Variants in BRINP3 observed in about 807,000 individuals in gnomAD.
The protein encoded by BRINP3 is BMP/retinoic acid inducible neural specific 3, also known as BMP/retinoic acid-inducible neural-specific protein 3.
BRINP3 carries 19 observed loss-of-function variants against 71.0 expected under a neutral mutation model. The ratio of observed to expected loss-of-function variants is 0.27; its 90% CI spans 0.19 to 0.39. The LOEUF (loss-of-function observed/expected upper bound fraction) is 0.39. Among genes scored for constraint, BRINP3 ranks in the 10% least tolerant of loss-of-function variants. The pLI, the probability that BRINP3 is intolerant of heterozygous loss-of-function variation, is 1.00. For missense variants in BRINP3, 959 were observed against 940.8 expected, an observed-to-expected ratio of 1.02 and a Z score of -0.25; for synonymous variants, 380 against 337.7, an observed-to-expected ratio of 1.13 and a Z score of -1.37.
chr1:190,349,564 G>A (rs12030570), intron 2 of BRINP3, among the ~76,000 whole-genome samples: 25,208 of 151,976 alleles, frequency 0.17, 2,122 homozygotes, highest in Middle Eastern at 0.22. Flanking sequence ...TAGGCATATA[G>A]AAGCTAATGT....
chr1:190,439,654 C>T (rs1169765659), intron 2 of BRINP3, among the ~76,000 whole-genome samples: 1 of 151,684 alleles, frequency 6.6e-6, no homozygotes, highest in African/African-American at 2.4e-5. Context: ...AACCTAAAGC[C>T]TAAACAGTAA....
At chr1:190,250,680 T>C (rs1660050758) in intron 4 of BRINP3, among the ~76,000 whole-genome samples, 1 of 151,992 alleles carries the variant, frequency 6.6e-6, no homozygotes, top group Non-Finnish European at 1.5e-5. Flanking sequence ...TGGTTTAAGA[T>C]AGTATCGTAA....
At chr1:190,156,198 T>C (rs1359306284) in intron 7 of BRINP3, among the ~76,000 whole-genome samples, 1 of 152,122 alleles carries the variant, frequency 6.6e-6, no homozygotes, top group Non-Finnish European at 1.5e-5. Context: ...CTATACACTA[T>C]ACAGAGTAAC....
intron 2 of BRINP3, among the ~76,000 whole-genome samples, chr1:190,432,909 T>C (rs541943302): frequency 1.3e-5 from 2 of 152,312 alleles, no homozygotes; most frequent in East Asian, 3.9e-4. Flanking sequence ...ATTATAAACA[T>C]AGTCTATGTT....
chr1:190,387,928 A>C (rs573754622), intron 2 of BRINP3, among the ~76,000 whole-genome samples: 1 of 151,984 alleles, frequency 6.6e-6, no homozygotes, highest in African/African-American at 2.4e-5. Context: ...AAAATTAATA[A>C]ATCCAAAATT....
chr1:190,269,901 G>A (rs1347522521), intron 3 of BRINP3, among the ~76,000 whole-genome samples: 1 of 151,816 alleles, frequency 6.6e-6, no homozygotes, highest in African/African-American at 2.4e-5. Flanking sequence ...TATTTCAAAG[G>A]ATGACTGACT....
At position 190,187,890 on chromosome 1, in the gene BRINP3, A is replaced by AG. The variant is rs967602028; in HGVS notation, c.962-27001dup. Among the ~76,000 whole-genome samples, 121 of 126,814 alleles carry AG rather than the reference A, an allele frequency of 9.5e-4. 3 individuals carry two copies. Among genetic ancestry groups the AG allele is most frequent in the African/African-American group, 3.3e-3 (112 of 34,398 alleles). The allele number at this position is 126,814 out of a possible 152,430, so 83.2% of individuals were successfully genotyped here. ...GCTTTTGCAGTATCGTTCAAATTTC[A>AG]GTTTTTTTTTCTATTTTTTTTGAAA... On this transcript the variant is annotated intron_variant, in intron 6 of 7. Coordinates refer to ENST00000367462, the MANE Select transcript of BRINP3 (RefSeq NM_199051.3).
chr1:190,264,910 G>A lies in BRINP3; in HGVS notation c.573C>T (p.Thr191=), dbSNP rs369530533. The A allele has an allele frequency of 1.2e-6, 2 of 1,613,522 alleles. No individual in the cohort carries two copies. Among genetic ancestry groups the A allele is most frequent in the African/African-American group, 2.7e-5 (2 of 74,862 alleles). ...TTTGAATGTGGTGAAGTCTCCGAAG[G>A]GTGCTGTCCCTGTCAATGAAATAAG... The part of the protein sequence containing the change: ...AASYFIDRDS[T]LRRLHHIQIA... The change falls in exon 4 of 8, where the codon ACC becomes ACT. Residue 191 remains threonine, a synonymous_variant. Transcript: ENST00000367462.
At chr1:190,183,534 C>G (rs1171677230) in intron 6 of BRINP3, among the ~76,000 whole-genome samples, 2 of 152,030 alleles carry the variant, frequency 1.3e-5, no homozygotes, top group African/African-American at 4.8e-5. Flanking sequence ...CAGAGCTTCT[C>G]ATTACAGCTG....
At chr1:190,441,031 G>A (rs1014114136) in intron 2 of BRINP3, among the ~76,000 whole-genome samples, 1 of 151,834 alleles carries the variant, frequency 6.6e-6, no homozygotes, top group Non-Finnish European at 1.5e-5. Flanking sequence ...TTTCTCCTTA[G>A]ATGGGACTGC....
At chr1:190,320,575 G>C (rs1233515817) in intron 2 of BRINP3, among the ~76,000 whole-genome samples, 1 of 151,618 alleles carries the variant, frequency 6.6e-6, no homozygotes, top group Non-Finnish European at 1.5e-5. Context: ...ATTTAGGGTG[G>C]TGGGTGGCCA....
At chr1:190,145,172 C>G (rs1655781424) in intron 7 of BRINP3, among the ~76,000 whole-genome samples, 1 of 152,074 alleles carries the variant, frequency 6.6e-6, no homozygotes, top group Admixed American at 6.6e-5. Context: ...TAATCTCTCT[C>G]TCTATAAAAT....
At chr1:190,246,142 T>C (rs1265284591) in intron 4 of BRINP3, among the ~76,000 whole-genome samples, 1 of 152,084 alleles carries the variant, frequency 6.6e-6, no homozygotes, top group Non-Finnish European at 1.5e-5. Flanking sequence ...AGTATGTATT[T>C]GTTGGAAAAA....
At chr1:190,142,426 C>G (rs1571823715) in intron 7 of BRINP3, among the ~76,000 whole-genome samples, 1 of 152,064 alleles carries the variant, frequency 6.6e-6, no homozygotes, top group Non-Finnish European at 1.5e-5. Context: ...GAGCTGAAAA[C>G]AGAGTTAAAG....
At chr1:190,304,393 A>G (rs569970572) in intron 2 of BRINP3, among the ~76,000 whole-genome samples, 1 of 151,950 alleles carries the variant, frequency 6.6e-6, no homozygotes, top group East Asian at 1.9e-4. Flanking sequence ...TACTACGAAG[A>G]TATATTAACC....
intron 4 of BRINP3, among the ~76,000 whole-genome samples, chr1:190,242,922 T>A (rs2102777314): frequency 6.6e-6 from 1 of 152,246 alleles, no homozygotes. Flanking sequence ...GAGTAATTGC[T>A]TCAGTGCAGT....
At chr1:190,318,587 T>C (rs1480155849) in intron 2 of BRINP3, among the ~76,000 whole-genome samples, 1 of 152,104 alleles carries the variant, frequency 6.6e-6, no homozygotes, top group Non-Finnish European at 1.5e-5. Flanking sequence ...GGGAAAGGTT[T>C]TGATTATTAT....
intron 2 of BRINP3, among the ~76,000 whole-genome samples, chr1:190,440,169 A>T (rs10920718): frequency 0.19 from 29,371 of 151,764 alleles, 2,887 homozygotes; most frequent in African/African-American, 0.24. Flanking sequence ...ATATAATCTA[A>T]GGAAATCCAA....
At chr1:190,119,986 T>C (rs1229988910) in intron 7 of BRINP3, among the ~76,000 whole-genome samples, 1 of 152,208 alleles carries the variant, frequency 6.6e-6, no homozygotes, top group Non-Finnish European at 1.5e-5. Flanking sequence ...AGTAGTTGAG[T>C]CCATCACATC....
Sources: gnomAD v4.1 joint callset for allele counts (sites outside exome capture counted in the v4.1 genomes callset) on GRCh38, gnomAD v4.1.1 for gene constraint, MANE v1.5 for transcripts, NCBI Gene and HGNC (gene_info 2026-07-23, HGNC 2026-07-21) for gene names.